C3: variants seen among roughly 807,000 people sequenced by gnomAD.
C3 encodes the protein complement C3.
In C3, 97 loss-of-function variants were observed where a neutral mutation model predicts 207.9. The ratio of observed to expected loss-of-function variants is 0.47; its 90% CI spans 0.40 to 0.55. The LOEUF is 0.55. Ranked by LOEUF, C3 falls within the 20% of genes least tolerant of loss-of-function variation. The probability of loss-of-function intolerance (pLI) is 0.00; values close to 1 mark genes in which losing one functional copy is unlikely to be tolerated. For missense variants in C3, 1,684 were observed against 2,171.7 expected, an observed-to-expected ratio of 0.78 and a Z score of 4.46; for synonymous variants, 848 against 857.6, an observed-to-expected ratio of 0.99 and a Z score of 0.20.
rs149906766 is a variant in C3 at position 6,714,217 on chromosome 19, C to T, written c.631G>A (p.Glu211Lys). ...MGQWKIRAYY[E>K]NSPQQVFSTE... ...GAGAAGACCTGCTGTGGTGAGTTTT[C>T]ATAGTAGGCTCGGATCTTCCACTGG... The change falls in exon 6 of 41, where the codon GAA (glutamate) becomes AAA (lysine). Residue 211 changes from glutamate (E) to lysine (K), a missense_variant. Physicochemically the swap from Glu to Lys is moderately conservative, Grantham distance 56. Around this residue, in one of 3 missense-constraint regions of C3, gnomAD observed 1,280 missense variants for 1,739.1 expected, o/e 0.74. Coordinates refer to ENST00000245907, the MANE Select transcript of C3 (RefSeq NM_000064.4). 3.1e-6 allele frequency: 5 copies of T among 1,613,722 alleles called. No homozygotes were observed. In the African/African-American group the frequency reaches 6.7e-5, roughly 22 times the overall value.
At chr19:6,714,310 G>T (rs376074369) in intron 5 of C3, 42 bp downstream of exon 5, 6 of 1,605,914 alleles carry the variant, frequency 3.7e-6, no homozygotes, top group East Asian at 4.5e-5. Flanking sequence ...CCTCTCCGGG[G>T]ATAGGGGAGC....
Position 6,693,087 on chromosome 19 carries a change from G to C in C3, c.3231-4C>G, listed in dbSNP as rs1217761492. On this transcript the variant is annotated splice_region_variant and splice_polypyrimidine_tract_variant and intron_variant, in intron 25 of 40. Coordinates refer to ENST00000245907, the MANE Select transcript of C3 (RefSeq NM_000064.4). Reference sequence around the variant, plus strand: ...CTTGACCACGTAGGCGGTCAGCCTGGAGTGGGCACAGAGCATGAGCCAATC... The same window carrying C: ...CTTGACCACGTAGGCGGTCAGCCTGCAGTGGGCACAGAGCATGAGCCAATC... 3.3e-5 allele frequency: 53 copies of C among 1,613,834 alleles called. No homozygotes were observed. Among genetic ancestry groups the C allele is most frequent in the Non-Finnish European group, 4.3e-5 (51 of 1,179,980 alleles).
At chr19:6,686,085 A>G in intron 29 of C3, 39 bp downstream of exon 29, 2 of 1,608,122 alleles carry the variant, frequency 1.2e-6, no homozygotes, top group African/African-American at 1.3e-5. Flanking sequence ...GCCGCAGGAG[A>G]CAGGGATGCA....
chr19:6,688,006 G>A (rs1297244953), intron 27 of C3, among the ~76,000 whole-genome samples: 1 of 149,034 alleles, frequency 6.7e-6, no homozygotes, highest in Non-Finnish European at 1.5e-5. Flanking sequence ...ACAGGCGTCC[G>A]CCACCGCGCC....
chr19:6,702,250 T>C (rs1282868296), intron 18 of C3, 38 bp from the exon 19 acceptor site: 1 of 1,320,646 alleles, frequency 7.6e-7, no homozygotes, highest in South Asian at 1.2e-5. Context: ...GGAGATGTCA[T>C]CTAGCAGGGT....
At position 6,684,345 on chromosome 19, in the gene C3, T is replaced by C. The variant is rs186984804; in HGVS notation, c.4172+43A>G. The C allele has an allele frequency of 3.9e-5, 58 of 1,471,846 alleles. No individual in the cohort carries two copies. The African/African-American group carries it at 5.8e-4, about 15-fold the overall frequency. The allele number at this position is 1,471,846 out of a possible 1,614,324, so 91.2% of individuals were successfully genotyped here. On this transcript the variant is annotated intron_variant, in intron 33 of 40. Coordinates refer to ENST00000245907, the MANE Select transcript of C3 (RefSeq NM_000064.4). ...TATTTGCAAGAATTCTTGCTAGAGA[T>C]AGAGGGATGGCCAAGATGAACCCCG... is the stretch of plus-strand genomic sequence containing the variant.
chr19:6,708,096 T>TTCCTTCTC (rs1568223516), intron 14 of C3, among the ~76,000 whole-genome samples, 167 bp from the exon 15 acceptor site: 1 of 150,314 alleles, frequency 6.7e-6, no homozygotes, highest in African/African-American at 2.5e-5. Context: ...CCTTCCTTCC[T>TTCCTTCTC]TCTCTCTCCT....
At chr19:6,682,569 A>G (rs1023455227) in intron 33 of C3, 3 of 349,670 alleles carry the variant, frequency 8.6e-6, no homozygotes, top group African/African-American at 6.3e-5. Context: ...TCAGTTAAAT[A>G]ACACTAGTAG....
At chr19:6,707,568 GATGAGGC>G (rs1189399626) in intron 15 of C3, 31 bp from the exon 16 acceptor site, 1 of 1,612,512 alleles carries the variant, frequency 6.2e-7, no homozygotes, top group Non-Finnish European at 8.5e-7. Context: ...GAAGAAGATG[GATGAGGC>G]ACCTACTAGG....
Position 6,694,493 on chromosome 19 carries a change from G to C in C3, c.3092C>G (p.Thr1031Arg), listed in dbSNP as rs767121928. 1 of 1,614,148 alleles carries C rather than the reference G, an allele frequency of 6.2e-7. No homozygotes were observed. The highest frequency in any genetic ancestry group is 2.2e-5 in the East Asian group (1 of 44,888). ...TVIAVHYLDE[T>R]EQWEKFGLEK... ...TAGGCCGAACTTCTCCCACTGCTCCGTTTCATCCAGGTAATGCACAGCGAT... is the reference window on the plus strand; with the variant it reads ...TAGGCCGAACTTCTCCCACTGCTCCCTTTCATCCAGGTAATGCACAGCGAT... The change falls in exon 24 of 41, where the codon ACG becomes AGG. Residue 1031 changes from threonine (T) to arginine (R), a missense_variant. Thr to Arg is a moderately conservative substitution (Grantham distance 71). Around this residue, in one of 3 missense-constraint regions of C3, gnomAD observed 1,280 missense variants for 1,739.1 expected, o/e 0.74. Coordinates refer to ENST00000245907, the MANE Select transcript of C3 (RefSeq NM_000064.4).
In C3 at chr19:6,711,049, C is replaced by T. The variant is rs777661661; in HGVS notation, c.1417G>A (p.Val473Ile). 6 of 1,614,012 alleles carry T rather than the reference C, an allele frequency of 3.7e-6. No individual in the cohort carries two copies. The highest frequency in any genetic ancestry group is 1.3e-5 in the African/African-American group (1 of 74,896). Residue 473 changes from valine (V) to isoleucine (I), a missense_variant, in exon 12 of 41, where the codon GTC becomes ATC. Transcript: ENST00000245907. ...TELRPGETLNVNFLLRMDRAH... is the reference protein window; with the variant it reads ...TELRPGETLNINFLLRMDRAH... ...CGGTCCATTCGCAGGAGGAAGTTGA[C>T]GTTGAGGGTCTCCCCGGGTCTGAGC...
chr19:6,685,306 G>A (rs1917976011), intron 29 of C3, among the ~76,000 whole-genome samples, 160 bp from the exon 30 acceptor site: 1 of 152,180 alleles, frequency 6.6e-6, no homozygotes, highest in Non-Finnish European at 1.5e-5. Context: ...ACTGGACTCT[G>A]AGGACATGTT....
intron 27 of C3, among the ~76,000 whole-genome samples, 188 bp downstream of exon 27, chr19:6,690,441 T>C (rs1055046466): frequency 6.6e-6 from 1 of 152,222 alleles, no homozygotes; most frequent in Non-Finnish European, 1.5e-5. Flanking sequence ...TGTGAAACTA[T>C]TAGAGGGCGG....
At chr19:6,691,014 G>GA (rs535671963) in intron 26 of C3, among the ~76,000 whole-genome samples, 140 of 151,246 alleles carry the variant, frequency 9.3e-4, no homozygotes, top group Middle Eastern at 6.9e-3. Flanking sequence ...GTCTAGTAGG[G>GA]AAGATGGACA....
At position 6,697,494 on chromosome 19, in the gene C3, G is replaced by A. The variant is rs377316231; in HGVS notation, c.2646C>T (p.His882=). ...TGGGGGGGATGGTTACGGTCTGCTG[G>A]TGACGCCTCTTGGTGGTGGCCAGGC... ...FCSLATTKRR[H]QQTVTIPPKS... The change falls in exon 21 of 41, where the codon CAC becomes CAT. Residue 882 remains histidine, a synonymous_variant. Coordinates refer to ENST00000245907, the MANE Select transcript of C3 (RefSeq NM_000064.4). 6.2e-7 allele frequency: 1 copy of A among 1,613,886 alleles called. No individual in the cohort carries two copies. The highest frequency in any genetic ancestry group is 8.5e-7 in the Non-Finnish European group (1 of 1,180,000).
intron 27 of C3, among the ~76,000 whole-genome samples, chr19:6,687,480 G>C (rs1261101193): frequency 1.3e-5 from 2 of 152,188 alleles, no homozygotes; most frequent in Non-Finnish European, 2.9e-5. Context: ...GAGAGATGCA[G>C]TAATTTTGCA....
chr19:6,709,937 A>T, intron 13 of C3, 95 bp from the exon 14 acceptor site: 43 of 783,730 alleles, frequency 5.5e-5, no homozygotes, highest in East Asian at 3.8e-4. Flanking sequence ...AAAGACAGAA[A>T]GGTTGGGGGG....
Position 6,694,418 on chromosome 19 carries a change from G to T in C3, c.3154+13C>A, listed in dbSNP as rs1279437397. 6.2e-7 allele frequency: 1 copy of T among 1,612,906 alleles called. No homozygotes were observed. Among genetic ancestry groups the T allele is most frequent in the African/African-American group, 1.3e-5 (1 of 74,994 alleles). On this transcript the variant is annotated intron_variant, in intron 24 of 40. Transcript: ENST00000245907. ...GGGGTCCCTGGGGTCTCCAAGAGGG[G>T]CAGGGAGCCCACCCTTCTTGATGAG...
intron 27 of C3, among the ~76,000 whole-genome samples, chr19:6,689,287 A>ACCCCACAGTCCCCCCC (rs747719619): frequency 4.8e-4 from 49 of 101,622 alleles, no homozygotes; most frequent in Non-Finnish European, 6.2e-4. Context: ...GATTTGTCTG[A>ACCCCACAGTCCCCCCC]CCCCACCTCT....
Sources: gnomAD v4.1 joint callset for allele counts (sites outside exome capture counted in the v4.1 genomes callset) on GRCh38, gnomAD v4.1.1 for gene constraint, gnomAD v4.1.1 regional missense constraint, MANE v1.5 for transcripts, NCBI Gene and HGNC (gene_info 2026-07-23, HGNC 2026-07-21) for gene names.